The following KCND2 variants were observed in gnomAD, a reference collection of about 807,000 sequenced individuals.
KCND2 encodes A-type voltage-gated potassium channel KCND2.
KCND2 carries 16 observed loss-of-function variants against 54.4 expected under a neutral mutation model. The ratio of observed to expected loss-of-function variants is 0.29; its 90% confidence interval spans 0.20 to 0.45. The LOEUF is 0.45. Among genes scored for constraint, KCND2 ranks in the 20% least tolerant of loss-of-function variants. KCND2 has a pLI of 1.00. For missense variants in KCND2, 486 were observed against 824.2 expected (o/e 0.59, Z 5.02); for synonymous variants, 317 against 310.7 (o/e 1.02, Z -0.21).
chr7:120,277,257 ATTTCC>A (rs1302793642), intron 1 of KCND2, among the ~76,000 whole-genome samples: 2 of 152,054 alleles, frequency 1.3e-5, no homozygotes, highest in Admixed American at 1.3e-4. Context: ...TACTTCTTAT[ATTTCC>A]TTTTTATCTT....
chr7:120,523,702 C>CACTGTGTGTGTGTGTG (rs1491350289), intron 1 of KCND2, among the ~76,000 whole-genome samples: 10 of 111,022 alleles, frequency 9.0e-5, no homozygotes, highest in African/African-American at 3.9e-4. Context: ...CACACACACA[C>CACTGTGTGTGTGTGTG]TCTGTGTGTG....
At chr7:120,686,445 C>G (rs890505011) in intron 1 of KCND2, among the ~76,000 whole-genome samples, 10 of 152,160 alleles carry the variant, frequency 6.6e-5, no homozygotes, top group Admixed American at 2.6e-4. Context: ...CAAATCCATA[C>G]AGTTCTGCAG....
At chr7:120,286,598 AG>A (rs1265405701) in intron 1 of KCND2, among the ~76,000 whole-genome samples, 8 of 152,158 alleles carry the variant, frequency 5.3e-5, no homozygotes, top group African/African-American at 1.9e-4. Context: ...GTAGACAATT[AG>A]GCAGGAAATA....
chr7:120,448,379 A>G (rs547097403), intron 1 of KCND2, among the ~76,000 whole-genome samples: 1 of 152,292 alleles, frequency 6.6e-6, no homozygotes, highest in South Asian at 2.1e-4. Context: ...TTATGGCTGC[A>G]TAGTATCCCA....
At chr7:120,550,577 G>A (rs1387987494) in intron 1 of KCND2, among the ~76,000 whole-genome samples, 1 of 152,156 alleles carries the variant, frequency 6.6e-6, no homozygotes, top group Non-Finnish European at 1.5e-5. Context: ...TCCATTTTAT[G>A]TGAAGAAACA....
At chr7:120,644,139 G>A (rs1288181831) in intron 1 of KCND2, among the ~76,000 whole-genome samples, 1 of 151,988 alleles carries the variant, frequency 6.6e-6, no homozygotes, top group Non-Finnish European at 1.5e-5. Flanking sequence ...CCTGGATTGA[G>A]AGTTTCAGAT....
intron 1 of KCND2, among the ~76,000 whole-genome samples, chr7:120,692,578 A>G (rs1288399319): frequency 2.0e-5 from 3 of 152,164 alleles, no homozygotes; most frequent in African/African-American, 7.2e-5. Context: ...ATACAAAGTT[A>G]ATCTCATCCT....
At position 120,633,721 on chromosome 7, in the gene KCND2, G is replaced by A. The variant is rs113322108; in HGVS notation, c.1116-99182G>A. 5.4e-3 allele frequency among the ~76,000 whole-genome samples: 819 copies of A among 152,178 alleles called. 3 individuals are homozygous for A. Among genetic ancestry groups the A allele is most frequent in the Middle Eastern group, 0.024 (7 of 294 alleles). ...ATTAGAACACAGAGAATTCAAATCC[G>A]TAGCCCACGTTCTCAACCATTTCGC... On this transcript the variant is annotated intron_variant, in intron 1 of 5. Coordinates refer to ENST00000331113, the MANE Select transcript of KCND2 (RefSeq NM_012281.3).
At chr7:120,609,938 C>T (rs1352137490) in intron 1 of KCND2, among the ~76,000 whole-genome samples, 1 of 152,230 alleles carries the variant, frequency 6.6e-6, no homozygotes, top group Non-Finnish European at 1.5e-5. Context: ...AAGGAGTCCA[C>T]ATGCTGCTCA....
chr7:120,661,612 C>T (rs981360992), intron 1 of KCND2, among the ~76,000 whole-genome samples: 1 of 151,140 alleles, frequency 6.6e-6, no homozygotes. Flanking sequence ...ATCACGCCAC[C>T]GCACTCCAGC....
intron 1 of KCND2, among the ~76,000 whole-genome samples, chr7:120,499,684 A>T (rs916510372): frequency 2.6e-5 from 4 of 152,048 alleles, no homozygotes; most frequent in African/African-American, 9.7e-5. Flanking sequence ...AGCAAATCCT[A>T]CTTAACTTTC....
intron 1 of KCND2, among the ~76,000 whole-genome samples, chr7:120,689,533 C>T (rs1792244532): frequency 6.6e-6 from 1 of 152,154 alleles, no homozygotes; most frequent in Non-Finnish European, 1.5e-5. Context: ...ATACACATAA[C>T]AAACCACTAG....
intron 1 of KCND2, among the ~76,000 whole-genome samples, chr7:120,647,172 C>T (rs961875414): frequency 7.9e-5 from 12 of 152,048 alleles, no homozygotes; most frequent in Admixed American, 5.2e-4. Flanking sequence ...CTTCATTGAT[C>T]GAATGTATTT....
intron 1 of KCND2, among the ~76,000 whole-genome samples, chr7:120,359,762 C>A (rs577334548): frequency 6.6e-6 from 1 of 152,124 alleles, no homozygotes; most frequent in African/African-American, 2.4e-5. Flanking sequence ...ATCCCCATGT[C>A]GAAGGAGGGA....
chr7:120,420,217 T>C (rs1284845651), intron 1 of KCND2, among the ~76,000 whole-genome samples: 1 of 152,176 alleles, frequency 6.6e-6, no homozygotes, highest in Non-Finnish European at 1.5e-5. Context: ...TTATTAACGA[T>C]TAATATTGCA....
intron 1 of KCND2, among the ~76,000 whole-genome samples, chr7:120,444,867 C>G (rs1801996828): frequency 6.6e-6 from 1 of 152,048 alleles, no homozygotes; most frequent in Non-Finnish European, 1.5e-5. Flanking sequence ...CCATTAACAT[C>G]AATGAAATTC....
chr7:120,295,399 C>G (rs867853721), intron 1 of KCND2, among the ~76,000 whole-genome samples: 2 of 146,960 alleles, frequency 1.4e-5, no homozygotes, highest in Non-Finnish European at 3.0e-5. Flanking sequence ...CACAGACACA[C>G]ACACACACAC....
intron 1 of KCND2, among the ~76,000 whole-genome samples, chr7:120,408,337 A>C (rs143324549): frequency 6.6e-6 from 1 of 152,034 alleles, no homozygotes; most frequent in Admixed American, 6.6e-5. Flanking sequence ...AATGGTACAT[A>C]CAGGGGGATC....
intron 1 of KCND2, among the ~76,000 whole-genome samples, chr7:120,717,133 T>C (rs528882553): frequency 5.3e-4 from 81 of 152,202 alleles, no homozygotes; most frequent in African/African-American, 1.8e-3. Context: ...CATCATGAGA[T>C]GAAATGAGGT....
Sources: allele counts gnomAD v4.1 joint callset (sites outside exome capture counted in the v4.1 genomes callset), GRCh38; gene constraint gnomAD v4.1.1; transcripts MANE v1.5; gene names NCBI Gene and HGNC (gene_info 2026-07-23, HGNC 2026-07-21).